MCOLN2: variants seen among roughly 807,000 people sequenced by gnomAD.
MCOLN2 encodes mucolipin-2.
Under a neutral mutation model 67.5 loss-of-function variants are expected in MCOLN2, and 57 were observed. That is an observed-to-expected ratio of 0.84 (90% confidence interval 0.68 to 1.05). MCOLN2 has a LOEUF of 1.05. Among genes scored for constraint, MCOLN2 ranks in the 50% least tolerant of loss-of-function variants. The probability of loss-of-function intolerance (pLI) is 0.00; values close to 1 mark genes in which losing one functional copy is unlikely to be tolerated. For missense variants in MCOLN2, 620 were observed against 678.8 expected (o/e 0.91, Z 0.96); for synonymous variants, 246 against 233.3 (o/e 1.05, Z -0.50).
intron 1 of MCOLN2, among the ~76,000 whole-genome samples, chr1:84,985,990 G>T (rs1266253706): frequency 1.3e-5 from 2 of 152,086 alleles, no homozygotes; most frequent in Admixed American, 1.3e-4. Context: ...GCTGAAGCAA[G>T]ACTAAGCAAA....
intron 1 of MCOLN2, among the ~76,000 whole-genome samples, chr1:84,991,445 G>A (rs1300166339): frequency 1.3e-5 from 2 of 152,142 alleles, no homozygotes; most frequent in Admixed American, 6.5e-5. Context: ...AAAATATCTA[G>A]CCAACTGAGG....
intron 8 of MCOLN2, 106 bp from the exon 9 acceptor site, chr1:84,939,808 C>T (rs1193427646): frequency 8.2e-7 from 1 of 1,220,576 alleles, no homozygotes; most frequent in Non-Finnish European, 1.2e-6. Flanking sequence ...CATGGCATTG[C>T]CTTTCCAATT....
chr1:84,963,353 T>G (rs747591344), intron 2 of MCOLN2, among the ~76,000 whole-genome samples: 15 of 152,178 alleles, frequency 9.9e-5, no homozygotes, highest in Non-Finnish European at 2.1e-4. Context: ...CAATATGAGA[T>G]GCTTCACATT....
At chr1:84,986,892 G>C (rs1650535462) in intron 1 of MCOLN2, among the ~76,000 whole-genome samples, 1 of 152,062 alleles carries the variant, frequency 6.6e-6, no homozygotes, top group East Asian at 1.9e-4. Flanking sequence ...ATGTTGGCGG[G>C]GATGGGGTGA....
intron 7 of MCOLN2, among the ~76,000 whole-genome samples, chr1:84,945,114 CT>C (rs1648020668): frequency 6.6e-6 from 1 of 152,140 alleles, no homozygotes; most frequent in Admixed American, 6.5e-5. Context: ...TGTGTTTCTC[CT>C]CATTGGCCAC....
rs889947203 is a variant in MCOLN2, at chr1:84,952,419, G to A, written c.650+27C>T. 7 of 1,581,114 alleles carry A rather than the reference G, an allele frequency of 4.4e-6. No individual in the cohort carries two copies. In the South Asian group the frequency reaches 7.7e-5, roughly 18 times the overall value. The stretch of plus-strand genomic sequence containing the variant: ...CTCCTTCTCCCACCCTCATCTCTTA[G>A]GGAATAACACTTTAAAATGTATTTA... On this transcript the variant is annotated intron_variant, in intron 5 of 13. Transcript: ENST00000370608.
intron 4 of MCOLN2, among the ~76,000 whole-genome samples, chr1:84,955,702 C>T (rs543140975): frequency 1.4e-4 from 22 of 152,190 alleles, no homozygotes; most frequent in African/African-American, 5.3e-4. Context: ...AGGGAGACCA[C>T]AAGTAGTGGC....
intron 9 of MCOLN2, 111 bp downstream of exon 9, chr1:84,939,442 A>C: frequency 9.1e-7 from 1 of 1,100,152 alleles, no homozygotes; most frequent in Non-Finnish European, 1.3e-6. Context: ...TGGTGTGAGA[A>C]AAGGGAAGAC....
chr1:84,956,332 C>T, intron 4 of MCOLN2, 99 bp downstream of exon 4: 1 of 1,282,924 alleles, frequency 7.8e-7, no homozygotes, highest in Non-Finnish European at 1.1e-6. Context: ...TAGCTCTCAC[C>T]AAAGCAAAGT....
At chr1:84,993,332 T>C (rs1318928737) in intron 1 of MCOLN2, among the ~76,000 whole-genome samples, 1 of 152,244 alleles carries the variant, frequency 6.6e-6, no homozygotes, top group Non-Finnish European at 1.5e-5. Context: ...TTGTGTTTTT[T>C]TGCCATTAAA....
intron 1 of MCOLN2, among the ~76,000 whole-genome samples, chr1:84,975,501 G>C (rs1649951602): frequency 6.6e-6 from 1 of 152,156 alleles, no homozygotes; most frequent in African/African-American, 2.4e-5. Context: ...AAAGCAGATA[G>C]AACTTAGATC....
Position 84,941,005 on chromosome 1 carries a change from C to T in MCOLN2, c.848-14G>A. ...CATTTTTCTGAGCTGAGGAATAAAA[C>T]AGAATTCAAATGTTAAACACACCTT... On this transcript the variant is annotated splice_polypyrimidine_tract_variant and intron_variant, in intron 7 of 13. Coordinates refer to ENST00000370608, the MANE Select transcript of MCOLN2 (RefSeq NM_153259.4). 1 of 1,562,242 alleles carries T rather than the reference C, an allele frequency of 6.4e-7. No individual in the cohort carries two copies. Among genetic ancestry groups the T allele is most frequent in the South Asian group, 1.1e-5 (1 of 88,164 alleles).
At chr1:84,960,664 A>T (rs1003067312) in intron 2 of MCOLN2, among the ~76,000 whole-genome samples, 1 of 152,228 alleles carries the variant, frequency 6.6e-6, no homozygotes, top group African/African-American at 2.4e-5. Context: ...TAAGCATGTG[A>T]TGTCTGTCAA....
At chr1:84,982,542 C>T (rs571142771) in intron 1 of MCOLN2, among the ~76,000 whole-genome samples, 11 of 152,258 alleles carry the variant, frequency 7.2e-5, no homozygotes, top group South Asian at 4.2e-4. Context: ...TAAATGAATA[C>T]GTATTTAGAG....
At chr1:84,986,339 A>G (rs6692907) in intron 1 of MCOLN2, among the ~76,000 whole-genome samples, 143,335 of 152,118 alleles carry the variant, frequency 0.94, 68,150 homozygotes, top group Non-Finnish European at 1. Flanking sequence ...TTGGGAGTTC[A>G]AGACCAGCCT....
chr1:84,970,778 G>T (rs1649640960), intron 1 of MCOLN2, among the ~76,000 whole-genome samples: 1 of 152,166 alleles, frequency 6.6e-6, no homozygotes. Flanking sequence ...ATAGATAAAA[G>T]AATGATACAA....
Position 84,956,440 on chromosome 1 carries a change from C to A in MCOLN2, c.556G>T (p.Val186Phe), listed in dbSNP as rs369306344. ...ATTATCACTGCATTACCGAGCTCAA[C>A]GTCGTTGTCAATATTCAGTGTCTCA... ...SNETLNIDND[V>F]ELDCVQLDLQ... is the part of the protein sequence containing the mutation. The change falls in exon 4 of 14, where the codon GTT (valine) becomes TTT (phenylalanine). Residue 186 changes from valine (V) to phenylalanine (F), a missense_variant. Val to Phe is a conservative substitution (Grantham distance 50). Coordinates refer to ENST00000370608, the MANE Select transcript of MCOLN2 (RefSeq NM_153259.4). The A allele has an allele frequency of 1.3e-5, 21 of 1,611,140 alleles. No homozygotes were observed. The highest frequency in any genetic ancestry group is 1.7e-5 in the Non-Finnish European group (20 of 1,179,120).
At position 84,956,576 on chromosome 1, in the gene MCOLN2, CTGA is replaced by C. The variant is rs1648806890; in HGVS notation, c.417_419del (p.His139del). The C allele has an allele frequency of 1.3e-6, 2 of 1,578,606 alleles. No homozygotes were observed. Among genetic ancestry groups the C allele is most frequent in the Non-Finnish European group, 1.7e-6 (2 of 1,169,350 alleles). On this transcript the variant is annotated inframe_deletion, in exon 4 of 14. Transcript: ENST00000370608. ...GGGTCCCCAGGGTAATGTCCTTTAG[CTGA>C]TGATACTATTAAAAAATAGTCAAGT...
intron 4 of MCOLN2, 143 bp downstream of exon 4, chr1:84,956,288 C>A (rs751179209): frequency 7.1e-6 from 5 of 708,702 alleles, no homozygotes; most frequent in Admixed American, 2.9e-5. Flanking sequence ...AGCCCCTCTG[C>A]AGGCCAGTGT....
Sources: gnomAD v4.1 joint callset for allele counts (sites outside exome capture counted in the v4.1 genomes callset) on GRCh38, gnomAD v4.1.1 for gene constraint, MANE v1.5 for transcripts, NCBI Gene and HGNC (gene_info 2026-07-23, HGNC 2026-07-21) for gene names.